MREG: variants seen among roughly 807,000 people sequenced by gnomAD.
MREG encodes dilute suppressor protein homolog.
In MREG, 31 loss-of-function variants were observed where a neutral mutation model predicts 28.5. The ratio of observed to expected loss-of-function variants is 1.09; its 90% CI spans 0.82 to 1.47. The LOEUF (loss-of-function observed/expected upper bound fraction) is 1.47, where lower values mean the gene tolerates loss of function less well. Ranked by LOEUF, MREG falls within the 40% of genes most tolerant of loss-of-function variation. MREG has a pLI of 0.00. For synonymous variants in MREG, 106 were observed against 95.2 expected (o/e 1.11, Z -0.66); for missense variants, 256 against 257.4 (o/e 0.99, Z 0.04).
At chr2:216,000,576 T>G (rs1462368892) in intron 1 of MREG, among the ~76,000 whole-genome samples, 1 of 152,104 alleles carries the variant, frequency 6.6e-6, no homozygotes, top group Non-Finnish European at 1.5e-5. Context: ...CCCAGATGTG[T>G]TTCATTTCTA....
chr2:216,019,598 G>A (rs151070174), intron 1 of MREG, among the ~76,000 whole-genome samples: 1 of 151,706 alleles, frequency 6.6e-6, no homozygotes, highest in African/African-American at 2.4e-5. Context: ...TCCACCTCCA[G>A]GGTTCACACC....
At chr2:216,029,943 C>T (rs1000816793) in intron 1 of MREG, among the ~76,000 whole-genome samples, 3 of 152,156 alleles carry the variant, frequency 2.0e-5, no homozygotes, top group Admixed American at 6.5e-5. Flanking sequence ...GGCCTGTGGT[C>T]GGTGCACATG....
intron 2 of MREG, 132 bp from the exon 3 acceptor site, chr2:215,947,245 G>C: frequency 1.6e-6 from 1 of 616,686 alleles, no homozygotes; most frequent in South Asian, 2.0e-5. Flanking sequence ...TAAAAGAAGA[G>C]AAGGAGATGG....
At chr2:216,019,504 A>G (rs1029790787) in intron 1 of MREG, among the ~76,000 whole-genome samples, 2 of 148,116 alleles carry the variant, frequency 1.4e-5, no homozygotes, top group Non-Finnish European at 3.0e-5. Flanking sequence ...TAAATTTTCA[A>G]ACCTTTTTTT....
At chr2:216,028,718 T>G (rs1694634855) in intron 1 of MREG, among the ~76,000 whole-genome samples, 2 of 152,124 alleles carry the variant, frequency 1.3e-5, no homozygotes, top group African/African-American at 2.4e-5. Flanking sequence ...ACTTGGATTT[T>G]GGGAATTCGA....
At chr2:216,008,005 T>G (rs1694206996) in intron 1 of MREG, among the ~76,000 whole-genome samples, 1 of 152,124 alleles carries the variant, frequency 6.6e-6, no homozygotes, top group Non-Finnish European at 1.5e-5. Flanking sequence ...AACCTAACTC[T>G]GTATTTCCCC....
chr2:215,953,145 C>A (rs554450130), intron 2 of MREG, among the ~76,000 whole-genome samples: 1 of 152,190 alleles, frequency 6.6e-6, no homozygotes, highest in Non-Finnish European at 1.5e-5. Context: ...GCATGAACAC[C>A]GGGGCAGCTA....
chr2:215,963,803 A>C (rs1029502104), intron 2 of MREG, among the ~76,000 whole-genome samples: 10 of 152,184 alleles, frequency 6.6e-5, no homozygotes, highest in African/African-American at 2.2e-4. Flanking sequence ...CGTGTCTTTC[A>C]GTTTACAAAA....
chr2:215,970,439 A>G (rs993969001), intron 2 of MREG, among the ~76,000 whole-genome samples: 3 of 152,228 alleles, frequency 2.0e-5, no homozygotes, highest in Admixed American at 2.0e-4. Context: ...CCACCAAATG[A>G]ATGTATTTTC....
upstream of MREG, among the ~76,000 whole-genome samples, chr2:216,017,918 AG>A (rs1315439541): frequency 3.3e-5 from 5 of 151,940 alleles, no homozygotes. Flanking sequence ...TGAGAGGCCA[AG>A]GTGGGCGAAT....
intron 2 of MREG, among the ~76,000 whole-genome samples, chr2:215,952,983 C>G (rs1193970222): frequency 6.6e-6 from 1 of 152,068 alleles, no homozygotes; most frequent in African/African-American, 2.4e-5. Flanking sequence ...CTCTCTCCCC[C>G]TCTCTCTCTC....
At chr2:216,015,330 G>C (rs1056564532), upstream of MREG, among the ~76,000 whole-genome samples, 1 of 152,138 alleles carries the variant, frequency 6.6e-6, no homozygotes. Context: ...ATATCGCCAG[G>C]AAGAGTATTT....
At chr2:215,964,876 T>C (rs866316780) in intron 2 of MREG, among the ~76,000 whole-genome samples, 1 of 84,908 alleles carries the variant, frequency 1.2e-5, no homozygotes, top group African/African-American at 4.4e-5. Flanking sequence ...GATAGATAGA[T>C]AGATAGACAG....
chr2:215,964,241 TG>T (rs1692875662), intron 2 of MREG, among the ~76,000 whole-genome samples: 1 of 152,154 alleles, frequency 6.6e-6, no homozygotes, highest in Admixed American at 6.6e-5. Context: ...CTCAGCACTT[TG>T]GGAGGCAGAG....
In MREG at chr2:215,994,991, C is replaced by T. The variant is rs182635320; in HGVS notation, c.255+1315G>A. 2.0e-3 allele frequency among the ~76,000 whole-genome samples: 310 copies of T among 152,278 alleles called. 1 individual carries two copies. Among genetic ancestry groups the T allele is most frequent in the African/African-American group, 7.3e-3 (303 of 41,554 alleles). On this transcript the variant is annotated intron_variant, in intron 2 of 4. Coordinates refer to ENST00000263268, the MANE Select transcript of MREG (RefSeq NM_018000.3). ...AGAAAAGAGAAGAAATGACTCTGTT[C>T]TCACCAGCAGAAACCTTAACTGGTT...
rs1159325597 is a variant in MREG, at chr2:215,944,252, A to C, written c.*611T>G. The C allele has an allele frequency of 6.6e-6, 1 of 152,248 alleles. No individual in the cohort carries two copies. The highest frequency in any genetic ancestry group is 6.5e-5 in the Admixed American group (1 of 15,276). The allele number at this position is 152,248 out of a possible 1,614,324, so 9.4% of individuals were successfully genotyped here. A position where few individuals can be genotyped will look rare whatever the true frequency, so the allele number is the denominator to read the frequency against. On this transcript the variant is annotated 3_prime_UTR_variant, in exon 5 of 5. Coordinates refer to ENST00000263268, the MANE Select transcript of MREG (RefSeq NM_018000.3). ...CTTGGCCTCCCAAAGTGCTGGGATT[A>C]CAGGCATGAGCCACCACGCCCAGCC...
chr2:216,020,815 AG>A (rs1468413095), intron 1 of MREG, among the ~76,000 whole-genome samples: 1 of 152,222 alleles, frequency 6.6e-6, no homozygotes, highest in African/African-American at 2.4e-5. Flanking sequence ...GTTGGGCCAA[AG>A]CCCCGCAAAA....
At chr2:216,010,450 C>T (rs1191963710) in intron 1 of MREG, among the ~76,000 whole-genome samples, 5 of 150,282 alleles carry the variant, frequency 3.3e-5, no homozygotes, top group Admixed American at 2.6e-4. Flanking sequence ...CTCCGCCTCC[C>T]GGGTTCACGC....
At chr2:215,995,881 A>G (rs1414488650) in intron 2 of MREG, among the ~76,000 whole-genome samples, 2 of 109,166 alleles carry the variant, frequency 1.8e-5, no homozygotes, top group African/African-American at 6.9e-5. Flanking sequence ...ACCTTTAAAC[A>G]GGAAAAAAAA....
Sources: gnomAD v4.1 joint callset for allele counts (sites outside exome capture counted in the v4.1 genomes callset) on GRCh38, gnomAD v4.1.1 for gene constraint, MANE v1.5 for transcripts, NCBI Gene and HGNC (gene_info 2026-07-23, HGNC 2026-07-21) for gene names.